Variants in CDH9 observed in about 807,000 individuals in gnomAD.
The protein encoded by CDH9 is cadherin-9.
A neutral mutation model predicts 70.9 loss-of-function variants in CDH9; 28 were observed. The observed-to-expected ratio is 0.40, with a 90% CI of 0.29 to 0.54. The LOEUF (loss-of-function observed/expected upper bound fraction) is 0.54. Ranked by LOEUF, CDH9 falls within the 20% of genes least tolerant of loss-of-function variation. The probability of loss-of-function intolerance (pLI) is 0.59; values close to 1 mark genes in which losing one functional copy is unlikely to be tolerated. For synonymous variants in CDH9, 409 were observed against 343.1 expected, an observed-to-expected ratio of 1.19 and a Z score of -2.12; for missense variants, 874 against 984.4, an observed-to-expected ratio of 0.89 and a Z score of 1.50.
chr5:26,886,344 T>A (rs1319001734), intron 9 of CDH9, among the ~76,000 whole-genome samples: 1 of 152,160 alleles, frequency 6.6e-6, no homozygotes, highest in Non-Finnish European at 1.5e-5. Context: ...GTCTTATACC[T>A]GGCCAGCTTA....
At chr5:26,948,278 T>G (rs966140355) in intron 2 of CDH9, among the ~76,000 whole-genome samples, 2 of 152,250 alleles carry the variant, frequency 1.3e-5, no homozygotes, top group African/African-American at 2.4e-5. Context: ...AGGCTAGAGC[T>G]GTTTGGGTTC....
rs528189876 is a variant in CDH9 at position 26,921,178 on chromosome 5, C to A, written c.229-5254G>T. 1.8e-4 allele frequency among the ~76,000 whole-genome samples: 27 copies of A among 152,018 alleles called. No individual in the cohort carries two copies. In the South Asian group the frequency reaches 4.8e-3, roughly 27 times the overall value. ...TCTGGAAAATCTCACATCCCAGAGA[C>A]CACCTAAAATATGCATACCAGATAT... On this transcript the variant is annotated intron_variant, in intron 2 of 11. Coordinates refer to ENST00000231021, the MANE Select transcript of CDH9 (RefSeq NM_016279.4).
At chr5:26,991,862 CT>C (rs1561031878) in intron 1 of CDH9, among the ~76,000 whole-genome samples, 1 of 152,078 alleles carries the variant, frequency 6.6e-6, no homozygotes, top group Non-Finnish European at 1.5e-5. Flanking sequence ...TTTTCTTATT[CT>C]TGGTCAAAAT....
rs541984701 is a variant in CDH9 at position 26,964,402 on chromosome 5, T to C, written c.228+23704A>G. 8.5e-5 allele frequency among the ~76,000 whole-genome samples: 13 copies of C among 152,340 alleles called. No individual in the cohort carries two copies. In the East Asian group the frequency reaches 2.3e-3, roughly 27 times the overall value. On this transcript the variant is annotated intron_variant, in intron 2 of 11. Coordinates refer to ENST00000231021, the MANE Select transcript of CDH9 (RefSeq NM_016279.4). ...ATAGAATGTAAAATCATAAAATGTG[T>C]ACAACTATAAATCATGTGTTGTTAT...
At chr5:27,010,983 A>G (rs902966038) in intron 1 of CDH9, among the ~76,000 whole-genome samples, 1 of 152,116 alleles carries the variant, frequency 6.6e-6, no homozygotes, top group African/African-American at 2.4e-5. Context: ...AATTGTCAAG[A>G]AAAGAGAGGG....
chr5:26,974,040 T>A (rs1335239508), intron 2 of CDH9, among the ~76,000 whole-genome samples: 2 of 151,302 alleles, frequency 1.3e-5, no homozygotes, highest in Non-Finnish European at 2.9e-5. Flanking sequence ...AGATCAGGAG[T>A]TCAAGACCAG....
At chr5:26,986,570 C>T (rs887438219) in intron 2 of CDH9, among the ~76,000 whole-genome samples, 8 of 152,024 alleles carry the variant, frequency 5.3e-5, no homozygotes, top group South Asian at 2.1e-4. Flanking sequence ...CTTGCTGTAG[C>T]GCCTTAACTG....
At chr5:26,963,610 T>G (rs116645988) in intron 2 of CDH9, among the ~76,000 whole-genome samples, 320 of 152,178 alleles carry the variant, frequency 2.1e-3, no homozygotes, top group Middle Eastern at 0.01. Flanking sequence ...TAGAGAAACT[T>G]GGGAGATTTT....
chr5:27,017,075 T>C (rs1051059636), intron 1 of CDH9, among the ~76,000 whole-genome samples: 1 of 151,850 alleles, frequency 6.6e-6, no homozygotes, highest in African/African-American at 2.4e-5. Context: ...GTTCCTTCTA[T>C]TCTTCTTCAT....
chr5:26,883,565 G>T (rs1409383238), intron 11 of CDH9, among the ~76,000 whole-genome samples: 1 of 151,992 alleles, frequency 6.6e-6, no homozygotes, highest in Non-Finnish European at 1.5e-5. Context: ...GGCAGTGTGT[G>T]TGACAGATAT....
At chr5:27,023,803 G>A (rs894161115) in intron 1 of CDH9, among the ~76,000 whole-genome samples, 6 of 152,000 alleles carry the variant, frequency 3.9e-5, no homozygotes, top group Admixed American at 6.6e-5. Flanking sequence ...TGTAATCACA[G>A]CACTTTGGGA....
rs762415093 is a variant in CDH9 at position 26,988,202 on chromosome 5, G to A, written c.132C>T (p.Asp44=). 25 of 1,613,216 alleles carry A rather than the reference G, an allele frequency of 1.5e-5. No homozygotes were observed. The highest frequency in any genetic ancestry group is 5.0e-5 in the Admixed American group (3 of 59,914). ...GCTTGGTGCGACGTAGCATTTTACC[G>A]TCATCTTTTGTCAGACCCGCTATCT... The part of the protein sequence containing the change: ...SKKIAGLTKD[D]GKMLRRTKRG... The change falls in exon 2 of 12, where the codon GAC becomes GAT. Residue 44 remains aspartate, a synonymous_variant. Coordinates refer to ENST00000231021, the MANE Select transcript of CDH9 (RefSeq NM_016279.4).
chr5:26,946,622 C>G lies in CDH9; in HGVS notation c.229-30698G>C, dbSNP rs141077511. On this transcript the variant is annotated intron_variant, in intron 2 of 11. Coordinates refer to ENST00000231021, the MANE Select transcript of CDH9 (RefSeq NM_016279.4). ...TTATAAATAGGTTAAGGGAATTAAA[C>G]AGTGAAGAAAGTAATTTTTAAAAGG... is the stretch of plus-strand genomic sequence containing the variant. Among the ~76,000 whole-genome samples the G allele has an allele frequency of 5.6e-3, 846 of 152,184 alleles. 2 individuals are homozygous for G. Among genetic ancestry groups the G allele is most frequent in the Non-Finnish European group, 8.9e-3 (608 of 67,970 alleles).
chr5:26,944,189 A>G (rs1307423101), intron 2 of CDH9, among the ~76,000 whole-genome samples: 2 of 150,676 alleles, frequency 1.3e-5, no homozygotes, highest in African/African-American at 2.4e-5. Flanking sequence ...ATGTAATCAC[A>G]TTTTTTATTT....
At chr5:26,895,226 C>T (rs1314328461) in intron 7 of CDH9, among the ~76,000 whole-genome samples, 1 of 151,992 alleles carries the variant, frequency 6.6e-6, no homozygotes, top group African/African-American at 2.4e-5. Context: ...GTGACCTAGC[C>T]ATTCATTATC....
At chr5:26,932,900 C>T (rs1224954846) in intron 2 of CDH9, among the ~76,000 whole-genome samples, 2 of 150,818 alleles carry the variant, frequency 1.3e-5, no homozygotes, top group African/African-American at 4.9e-5. Flanking sequence ...ATTCCATTTC[C>T]TTTCCACTCT....
intron 2 of CDH9, among the ~76,000 whole-genome samples, chr5:26,918,681 A>T (rs1264059238): frequency 6.6e-6 from 1 of 152,226 alleles, no homozygotes; most frequent in Non-Finnish European, 1.5e-5. Context: ...CAAAATAAAA[A>T]GCTGAGTAAG....
intron 2 of CDH9, among the ~76,000 whole-genome samples, chr5:26,976,684 C>G (rs1053267954): frequency 1.3e-5 from 2 of 152,042 alleles, no homozygotes; most frequent in Admixed American, 6.6e-5. Flanking sequence ...AAGTAGCCTT[C>G]TAATTTTTAT....
intron 2 of CDH9, among the ~76,000 whole-genome samples, chr5:26,985,739 A>C (rs1742477889): frequency 6.6e-6 from 1 of 152,052 alleles, no homozygotes; most frequent in Admixed American, 6.6e-5. Flanking sequence ...TTTTCTTTAC[A>C]GGGGATGCTA....
Sources: gnomAD v4.1 joint callset for allele counts (sites outside exome capture counted in the v4.1 genomes callset) on GRCh38, gnomAD v4.1.1 for gene constraint, MANE v1.5 for transcripts, NCBI Gene and HGNC (gene_info 2026-07-23, HGNC 2026-07-21) for gene names.